Variants in WDFY3 observed in about 807,000 individuals in gnomAD.
WDFY3 encodes WD repeat and FYVE domain-containing protein 3.
WDFY3 carries 66 observed loss-of-function variants against 409.6 expected under a neutral mutation model. That is an observed-to-expected ratio of 0.16 (90% CI 0.13 to 0.20). WDFY3 has a LOEUF of 0.20. Ranked by LOEUF, WDFY3 falls within the 10% of genes least tolerant of loss-of-function variation. The pLI is 1.00. For missense variants in WDFY3, 3,031 were observed against 4,298.1 expected, an observed-to-expected ratio of 0.71 and a Z score of 8.24; for synonymous variants, 1,521 against 1,537.1, an observed-to-expected ratio of 0.99 and a Z score of 0.25.
At chr4:84,795,518 T>C (rs142857206) in intron 19 of WDFY3, among the ~76,000 whole-genome samples, 4,978 of 152,274 alleles carry the variant, frequency 0.033, 249 homozygotes, top group African/African-American at 0.11. Flanking sequence ...TCCTAGCACG[T>C]TGGGAGGCTA....
chr4:84,931,137 G>A (rs1407522938), intron 2 of WDFY3, among the ~76,000 whole-genome samples: 1 of 152,110 alleles, frequency 6.6e-6, no homozygotes, highest in African/African-American at 2.4e-5. Flanking sequence ...GTCTTCCACT[G>A]GGGGTCTTGG....
chr4:84,864,381 A>G (rs7441582), intron 3 of WDFY3, among the ~76,000 whole-genome samples: 8 of 151,666 alleles, frequency 5.3e-5, no homozygotes, highest in Admixed American at 5.3e-4. Flanking sequence ...AAAAAAAAAA[A>G]AAAAAAAAGA....
chr4:84,729,487 A>G (rs543247316), intron 44 of WDFY3, among the ~76,000 whole-genome samples: 16 of 151,954 alleles, frequency 1.1e-4, no homozygotes, highest in African/African-American at 3.1e-4. Context: ...TTTTCTCGAT[A>G]TTAATAATTA....
At chr4:84,950,031 A>ATACT (rs2151106625) in intron 1 of WDFY3, among the ~76,000 whole-genome samples, 1 of 152,324 alleles carries the variant, frequency 6.6e-6, no homozygotes, top group Non-Finnish European at 1.5e-5. Context: ...GGATAAAGAA[A>ATACT]ATGTGGCACA....
chr4:84,809,697 C>T, intron 14 of WDFY3, 190 bp downstream of exon 14: 1 of 530,262 alleles, frequency 1.9e-6, no homozygotes, highest in Non-Finnish European at 3.2e-6. Context: ...CACAGGCTTC[C>T]ATGCTAAAAA....
intron 13 of WDFY3, 105 bp downstream of exon 13, chr4:84,817,287 T>C: frequency 7.0e-7 from 1 of 1,425,146 alleles, no homozygotes. Context: ...TCTTGGGTAA[T>C]TTGGATTTTT....
At chr4:84,716,656 T>A (rs1383741343) in intron 49 of WDFY3, among the ~76,000 whole-genome samples, 1 of 139,672 alleles carries the variant, frequency 7.2e-6, no homozygotes, top group Non-Finnish European at 1.6e-5. Context: ...AAAATTAGCC[T>A]GGCGTGGTGG....
intron 49 of WDFY3, among the ~76,000 whole-genome samples, chr4:84,716,525 G>A (rs1299535373): frequency 8.6e-5 from 13 of 151,140 alleles, no homozygotes; most frequent in East Asian, 3.9e-4. Context: ...GGCCGGGCGC[G>A]GTGGCTCACG....
At chr4:84,936,583 A>G (rs1771443711) in intron 1 of WDFY3, among the ~76,000 whole-genome samples, 1 of 152,126 alleles carries the variant, frequency 6.6e-6, no homozygotes, top group Non-Finnish European at 1.5e-5. Context: ...TAGCCCAGAA[A>G]GATTTTGTGG....
intron 7 of WDFY3, among the ~76,000 whole-genome samples, chr4:84,836,566 A>C (rs985504621): frequency 5.9e-5 from 9 of 152,026 alleles, no homozygotes; most frequent in Admixed American, 5.9e-4. Context: ...TCCTGTATAT[A>C]AACAGCAACT....
At chr4:84,927,094 T>C (rs1770097716) in intron 2 of WDFY3, among the ~76,000 whole-genome samples, 1 of 152,208 alleles carries the variant, frequency 6.6e-6, no homozygotes, top group East Asian at 1.9e-4. Flanking sequence ...ATGAGGTGTT[T>C]GTTTACTATT....
chr4:84,766,453 C>T, intron 30 of WDFY3, 81 bp from the exon 31 acceptor site: 1 of 1,348,410 alleles, frequency 7.4e-7, no homozygotes, highest in Non-Finnish European at 1.0e-6. Context: ...GGAAAGTTTA[C>T]TGAAAAATAT....
chr4:84,827,227 A>C (rs1754994222), intron 9 of WDFY3, among the ~76,000 whole-genome samples: 1 of 152,184 alleles, frequency 6.6e-6, no homozygotes, highest in Admixed American at 6.5e-5. Context: ...CCTTAAAAGA[A>C]GTAATTATTC....
At position 84,881,584 on chromosome 4, in the gene WDFY3, T is replaced by A. The variant is rs1436725747; in HGVS notation, c.-32+15327A>T. ...ACTAGAATATGATCGTTACAATCAT[T>A]AAAAAAAAAAAAGATTGTTAAGCCA... On this transcript the variant is annotated intron_variant, in intron 3 of 67. Transcript: ENST00000295888. Among the ~76,000 whole-genome samples the A allele has an allele frequency of 6.8e-5, 10 of 146,840 alleles. 1 individual carries two copies. The highest frequency in any genetic ancestry group is 2.0e-4 in the African/African-American group (8 of 40,022).
chr4:84,832,040 C>G (rs143466867), intron 7 of WDFY3, among the ~76,000 whole-genome samples: 58 of 152,214 alleles, frequency 3.8e-4, no homozygotes, highest in Middle Eastern at 6.8e-3. Context: ...AGCTGCACTG[C>G]CATGTTTACT....
chr4:84,704,883 A>G (rs2148954901), intron 54 of WDFY3, among the ~76,000 whole-genome samples: 1 of 152,292 alleles, frequency 6.6e-6, no homozygotes, highest in African/African-American at 2.4e-5. Context: ...GGTGGGAAAA[A>G]AGAGTTCACA....
In WDFY3 at chr4:84,875,269, C is replaced by T. The variant is rs916216515; in HGVS notation, c.-31-14647G>A. Among the ~76,000 whole-genome samples, 659 of 143,288 alleles carry T rather than the reference C, an allele frequency of 4.6e-3. 6 individuals carry two copies. The highest frequency in any genetic ancestry group is 0.016 in the African/African-American group (633 of 38,888). 94.0% of individuals were successfully genotyped at this position (143,288 alleles called of 152,430 possible). On this transcript the variant is annotated intron_variant, in intron 3 of 67. Coordinates refer to ENST00000295888, the MANE Select transcript of WDFY3 (RefSeq NM_014991.6). The stretch of plus-strand genomic sequence containing the variant: ...GGGTACCGAGCAAGACTCAAACACA[C>T]ACACACACACACACACACACACACA...
chr4:84,684,592 T>G (rs993765780), intron 62 of WDFY3, among the ~76,000 whole-genome samples: 1 of 152,104 alleles, frequency 6.6e-6, no homozygotes, highest in Admixed American at 6.5e-5. Context: ...CAGATATAGT[T>G]GTGTTTCTTC....
intron 6 of WDFY3, among the ~76,000 whole-genome samples, chr4:84,839,929 C>T (rs538698152): frequency 6.6e-6 from 1 of 152,052 alleles, no homozygotes; most frequent in African/African-American, 2.4e-5. Context: ...ACAGATCATT[C>T]CGAGGACAAA....
Sources: gnomAD v4.1 joint callset for allele counts (sites outside exome capture counted in the v4.1 genomes callset) on GRCh38, gnomAD v4.1.1 for gene constraint, MANE v1.5 for transcripts, NCBI Gene and HGNC (gene_info 2026-07-23, HGNC 2026-07-21) for gene names.